RMST: variants seen among roughly 807,000 people sequenced by gnomAD.
RMST encodes the protein rhabdomyosarcoma 2 associated transcript.
intron 5 of RMST, among the ~76,000 whole-genome samples, chr12:97,468,351 A>G (rs1482434404): frequency 3.9e-5 from 6 of 152,032 alleles, no homozygotes; most frequent in African/African-American, 1.4e-4. Context: ...TTTTCAAGAG[A>G]AGGGCTATAT....
intron 11 of RMST, chr12:97,552,360 C>A (rs1264924861): frequency 6.6e-6 from 1 of 152,164 alleles, no homozygotes; most frequent in Non-Finnish European, 1.5e-5. Context: ...ATTAACCTGA[C>A]ATAAAATATT....
intron 5 of RMST, among the ~76,000 whole-genome samples, chr12:97,487,463 GA>G (rs1234328625): frequency 1.3e-5 from 2 of 152,080 alleles, no homozygotes; most frequent in Non-Finnish European, 2.9e-5. Context: ...GCAACAATAA[GA>G]AAAATGAAAC....
chr12:97,521,101 A>G (rs979888211), intron 10 of RMST, among the ~76,000 whole-genome samples: 1 of 152,200 alleles, frequency 6.6e-6, no homozygotes, highest in Non-Finnish European at 1.5e-5. Context: ...TTGTTTGCTT[A>G]CCCACCTGTA....
Position 97,523,150 on chromosome 12 carries a change from A to G in RMST, n.1341-7505A>G, listed in dbSNP as rs1592734559. On this transcript the variant is annotated intron_variant and non_coding_transcript_variant, in intron 10 of 13. Transcript: ENST00000640149. ...CACAAACGAAGCATACAGTTCACAG[A>G]AAAAGGATTTTGTTAATACCTTATT... Among the ~76,000 whole-genome samples, 6 of 152,366 alleles carry G rather than the reference A, an allele frequency of 3.9e-5. 1 individual carries two copies. Among genetic ancestry groups the G allele is most frequent in the Admixed American group, 3.3e-4 (5 of 15,310 alleles).
At chr12:97,523,497 G>C (rs1880724257) in intron 10 of RMST, among the ~76,000 whole-genome samples, 1 of 152,156 alleles carries the variant, frequency 6.6e-6, no homozygotes, top group Admixed American at 6.5e-5. Context: ...TCAAAGAAAT[G>C]ACAGAGGTAT....
intron 9 of RMST, among the ~76,000 whole-genome samples, chr12:97,495,416 G>C (rs1388951226): frequency 6.6e-6 from 1 of 152,126 alleles, no homozygotes; most frequent in Admixed American, 6.6e-5. Flanking sequence ...AGATGATGGA[G>C]AAGCTGAACA....
At chr12:97,471,341 A>G (rs1167248581) in intron 5 of RMST, among the ~76,000 whole-genome samples, 1 of 152,096 alleles carries the variant, frequency 6.6e-6, no homozygotes, top group Non-Finnish European at 1.5e-5. Flanking sequence ...GGTTGTGTGT[A>G]CCCTCTAACT....
At chr12:97,509,016 A>G (rs145729858) in intron 10 of RMST, among the ~76,000 whole-genome samples, 22 of 152,316 alleles carry the variant, frequency 1.4e-4, no homozygotes, top group African/African-American at 5.1e-4. Flanking sequence ...AATGGAGGAA[A>G]CCTAGACTCA....
At chr12:97,497,098 C>T (rs941932148) in intron 10 of RMST, among the ~76,000 whole-genome samples, 1 of 152,124 alleles carries the variant, frequency 6.6e-6, no homozygotes, top group African/African-American at 2.4e-5. Context: ...GAATATAAAC[C>T]TGCTTTGCTT....
chr12:97,539,750 T>C (rs944104510), intron 11 of RMST, among the ~76,000 whole-genome samples: 3 of 151,648 alleles, frequency 2.0e-5, no homozygotes, highest in Admixed American at 6.6e-5. Flanking sequence ...TGATGTCAAA[T>C]CGGAACCAGG....
chr12:97,564,262 T>C (rs1194439600), exon 14 of RMST: 1 of 177,270 alleles, frequency 5.6e-6, no homozygotes, highest in Non-Finnish European at 1.2e-5. Context: ...AAAGAAGAAA[T>C]AGACAAATCA....
At chr12:97,485,524 G>A (rs899371799) in intron 5 of RMST, among the ~76,000 whole-genome samples, 2 of 152,138 alleles carry the variant, frequency 1.3e-5, no homozygotes, top group African/African-American at 4.8e-5. Context: ...TGATATCCAT[G>A]ATCTTGACTG....
chr12:97,495,796 C>G lies in RMST; in HGVS notation n.1215-135C>G, dbSNP rs143213666. On this transcript the variant is annotated intron_variant and non_coding_transcript_variant, in intron 9 of 13. Transcript: ENST00000640149. Reference sequence around the variant, plus strand: ...TAATTATCTTCAATGTGAAGAAGGTCTGGGATGACAACTTTGGGGAGCACA... The same window carrying G: ...TAATTATCTTCAATGTGAAGAAGGTGTGGGATGACAACTTTGGGGAGCACA... 25 of 152,212 alleles carry G rather than the reference C, an allele frequency of 1.6e-4. No homozygotes were observed. The East Asian group carries it at 4.6e-3, about 28-fold the overall frequency. 9.4% of individuals were successfully genotyped at this position (152,212 alleles called of 1,614,324 possible). A position where few individuals can be genotyped will look rare whatever the true frequency, so the allele number is the denominator to read the frequency against.
intron 10 of RMST, among the ~76,000 whole-genome samples, chr12:97,506,006 GA>G (rs1878621027): frequency 6.6e-6 from 1 of 152,142 alleles, no homozygotes; most frequent in Non-Finnish European, 1.5e-5. Context: ...CTGTATAAAT[GA>G]GGTCAATTAA....
intron 5 of RMST, among the ~76,000 whole-genome samples, chr12:97,474,740 AT>A (rs1874345773): frequency 6.6e-6 from 1 of 151,216 alleles, no homozygotes; most frequent in Non-Finnish European, 1.5e-5. Context: ...TGGAAAAAAA[AT>A]TGTTTTTATT....
intron 11 of RMST, among the ~76,000 whole-genome samples, chr12:97,544,588 G>A (rs1009079979): frequency 2.6e-5 from 4 of 151,898 alleles, no homozygotes; most frequent in African/African-American, 9.7e-5. Flanking sequence ...AGCCAGAGAT[G>A]GTACCATACC....
At chr12:97,493,926 C>T (rs910527062) in exon 8 of RMST, 1 of 152,144 alleles carries the variant, frequency 6.6e-6, no homozygotes, top group African/African-American at 2.4e-5. Flanking sequence ...ATATAAATCC[C>T]ATGGGAAGTC....
intron 5 of RMST, among the ~76,000 whole-genome samples, chr12:97,489,388 A>G (rs1876500687): frequency 6.6e-6 from 1 of 151,954 alleles, no homozygotes; most frequent in Non-Finnish European, 1.5e-5. Context: ...TTAAGGCTGC[A>G]GTGAGCTGTG....
intron 11 of RMST, among the ~76,000 whole-genome samples, chr12:97,536,595 A>G (rs1233329163): frequency 6.6e-6 from 1 of 151,486 alleles, no homozygotes; most frequent in Non-Finnish European, 1.5e-5. Context: ...AGTGTTTGTC[A>G]ACTTGTACTG....
Sources: gnomAD v4.1 joint callset for allele counts (sites outside exome capture counted in the v4.1 genomes callset) on GRCh38, gnomAD v4.1.1 for gene constraint, MANE v1.5 for transcripts, NCBI Gene and HGNC (gene_info 2026-07-23, HGNC 2026-07-21) for gene names.